Variants in COL11A1 observed in about 807,000 individuals in gnomAD.
The protein encoded by COL11A1 is collagen alpha-1(XI) chain.
Under a neutral mutation model 265.2 loss-of-function variants are expected in COL11A1, and 74 were observed. The ratio of observed to expected loss-of-function variants is 0.28; its 90% confidence interval spans 0.23 to 0.34. The LOEUF (loss-of-function observed/expected upper bound fraction) is 0.34, where lower values mean the gene tolerates loss of function less well. Among genes scored for constraint, COL11A1 ranks in the 10% least tolerant of loss-of-function variants. COL11A1 has a pLI of 1.00. For missense variants in COL11A1, 2,165 were observed against 2,263.6 expected (o/e 0.96, Z 0.88); for synonymous variants, 816 against 727.6 (o/e 1.12, Z -1.96).
At chr1:102,908,677 C>T (rs1368402254) in intron 54 of COL11A1, among the ~76,000 whole-genome samples, 2 of 151,590 alleles carry the variant, frequency 1.3e-5, no homozygotes, top group African/African-American at 2.4e-5. Flanking sequence ...ATAAGGTTTA[C>T]ATATACCCTT....
chr1:102,934,694 A>G lies in COL11A1; in HGVS notation c.3493-138T>C, dbSNP rs1269630397. ...CAAGTAAAAAGTAGACTGAATGCCCATTATCTGCTCCAATATACTATTGTT... is the reference window on the plus strand; with the variant it reads ...CAAGTAAAAAGTAGACTGAATGCCCGTTATCTGCTCCAATATACTATTGTT... On this transcript the variant is annotated intron_variant, in intron 45 of 66. Transcript: ENST00000370096. The G allele has an allele frequency of 1.1e-5, 8 of 719,028 alleles. No individual in the cohort carries two copies. The African/African-American group carries it at 1.4e-4, about 13-fold the overall frequency. The allele number at this position is 719,028 out of a possible 1,614,324, so 44.5% of individuals were successfully genotyped here.
In COL11A1 at chr1:103,021,833, T is replaced by C. The variant is rs989276242; in HGVS notation, c.1246-64A>G. 41 of 1,113,908 alleles carry C rather than the reference T, an allele frequency of 3.7e-5. 2 individuals carry two copies. The Middle Eastern group carries it at 1.2e-3, about 32-fold the overall frequency. The allele number at this position is 1,113,908 out of a possible 1,614,324, so 69.0% of individuals were successfully genotyped here. A position where few individuals can be genotyped will look rare whatever the true frequency, so the allele number is the denominator to read the frequency against. ...AAGACCATTTCTTTCTTTCTTTCTT[T>C]TCTTCTTTTTTTTTTTCTTTCTTTC... On this transcript the variant is annotated intron_variant, in intron 8 of 66. Coordinates refer to ENST00000370096, the MANE Select transcript of COL11A1 (RefSeq NM_001854.4).
chr1:103,065,569 C>T (rs375515112), intron 4 of COL11A1, among the ~76,000 whole-genome samples: 1 of 48,360 alleles, frequency 2.1e-5, no homozygotes, highest in Non-Finnish European at 4.1e-5. Context: ...AACAAACAAA[C>T]AAACAAAAAA....
intron 37 of COL11A1, among the ~76,000 whole-genome samples, chr1:102,967,657 T>A (rs1313648191): frequency 6.6e-6 from 1 of 152,154 alleles, no homozygotes; most frequent in African/African-American, 2.4e-5. Context: ...CATGCTGATC[T>A]TCCTACCTTT....
At chr1:102,977,584 A>G (rs1035488922) in intron 35 of COL11A1, among the ~76,000 whole-genome samples, 2 of 152,170 alleles carry the variant, frequency 1.3e-5, no homozygotes, top group African/African-American at 2.4e-5. Context: ...GTGGTGCTCT[A>G]AAAACAAAAC....
At chr1:102,979,633 A>C (rs2101685290) in intron 31 of COL11A1, 198 bp from the exon 32 acceptor site, 1 of 666,066 alleles carries the variant, frequency 1.5e-6, no homozygotes. Context: ...TGAAAGCACA[A>C]ATTGATAAAA....
rs796514814 is a variant in COL11A1, at chr1:102,928,398, A to G, written c.3601-5009T>C. Among the ~76,000 whole-genome samples the G allele has an allele frequency of 3.3e-5, 5 of 151,500 alleles. No individual in the cohort carries two copies. The South Asian group carries it at 6.3e-4, about 19-fold the overall frequency. ...AGTTTACTGAGAATGATGATTTCCA[A>G]TTTCATCCATGTCCCTACAAAGGAC... On this transcript the variant is annotated intron_variant, in intron 46 of 66. Coordinates refer to ENST00000370096, the MANE Select transcript of COL11A1 (RefSeq NM_001854.4).
intron 1 of COL11A1, among the ~76,000 whole-genome samples, chr1:103,093,952 G>C (rs1302374913): frequency 1.3e-5 from 2 of 152,122 alleles, no homozygotes; most frequent in Non-Finnish European, 2.9e-5. Context: ...CATCATGAAA[G>C]TCTGGAAGGG....
chr1:102,883,295 A>G lies in COL11A1; in HGVS notation c.4875T>C (p.Asp1625=). The G allele has an allele frequency of 6.2e-7, 1 of 1,611,990 alleles. No individual in the cohort carries two copies. Among genetic ancestry groups the G allele is most frequent in the Non-Finnish European group, 8.5e-7 (1 of 1,178,258 alleles). The change falls in exon 64 of 67, where the codon GAT becomes GAC. Residue 1625 remains aspartate (D), a synonymous_variant. Transcript: ENST00000370096. ...PDFPDGEYWI[D]PNQGCSGDSF... is the part of the protein sequence containing the mutation. ...AATCTCCTGAGCAACCTTGGTTAGG[A>G]TCAATCCAATATTCACCTAGAAGGT...
chr1:103,018,612 C>A (rs953722356), intron 10 of COL11A1, among the ~76,000 whole-genome samples: 1 of 152,048 alleles, frequency 6.6e-6, no homozygotes, highest in Admixed American at 6.6e-5. Flanking sequence ...ATCTAAGCCA[C>A]AAAAATATTT....
chr1:103,056,482 G>C (rs956472020), intron 4 of COL11A1, among the ~76,000 whole-genome samples: 30 of 152,196 alleles, frequency 2.0e-4, no homozygotes, highest in African/African-American at 7.0e-4. Flanking sequence ...TCAGTCATGG[G>C]GGAATCCTGC....
chr1:103,004,345 A>G (rs988513458), intron 20 of COL11A1, 99 bp downstream of exon 20: 16 of 906,848 alleles, frequency 1.8e-5, no homozygotes, highest in African/African-American at 1.0e-4. Flanking sequence ...TAAGACTGCA[A>G]TGTTTACCTG....
intron 4 of COL11A1, among the ~76,000 whole-genome samples, chr1:103,070,659 T>G (rs560102345): frequency 3.8e-4 from 58 of 152,078 alleles, no homozygotes; most frequent in African/African-American, 1.4e-3. Context: ...AAGTCACAAC[T>G]GATCAAATGG....
intron 31 of COL11A1, 120 bp from the exon 32 acceptor site, chr1:102,979,555 G>T (rs902345404): frequency 1.3e-6 from 1 of 744,004 alleles, no homozygotes; most frequent in East Asian, 2.7e-5. Flanking sequence ...ATCAAATATA[G>T]AAATTTTAAG....
intron 14 of COL11A1, among the ~76,000 whole-genome samples, chr1:103,010,946 C>T (rs893287989): frequency 6.6e-5 from 10 of 152,072 alleles, no homozygotes; most frequent in Middle Eastern, 3.2e-3. Flanking sequence ...GTGATCCGCC[C>T]GCCTTGGCCT....
At chr1:102,910,117 T>C (rs1296847270) in intron 54 of COL11A1, among the ~76,000 whole-genome samples, 1 of 151,980 alleles carries the variant, frequency 6.6e-6, no homozygotes, top group Non-Finnish European at 1.5e-5. Context: ...ATTATTATAC[T>C]AAAAGGCTCA....
intron 54 of COL11A1, among the ~76,000 whole-genome samples, chr1:102,903,803 G>A (rs747978568): frequency 6.6e-6 from 1 of 152,064 alleles, no homozygotes; most frequent in Non-Finnish European, 1.5e-5. Context: ...TTCACCTGTG[G>A]TATAGACAAA....
chr1:102,978,435 A>C (rs926304294), intron 35 of COL11A1, among the ~76,000 whole-genome samples: 5 of 152,194 alleles, frequency 3.3e-5, no homozygotes, highest in African/African-American at 1.2e-4. Flanking sequence ...TAAAATTTAA[A>C]AAATATCTAT....
At chr1:102,978,203 G>A (rs117537577) in intron 35 of COL11A1, among the ~76,000 whole-genome samples, 1 of 152,052 alleles carries the variant, frequency 6.6e-6, no homozygotes, top group East Asian at 1.9e-4. Flanking sequence ...TATGTATTTG[G>A]CTACATCTTA....
Sources: gnomAD v4.1 joint callset for allele counts (sites outside exome capture counted in the v4.1 genomes callset) on GRCh38, gnomAD v4.1.1 for gene constraint, MANE v1.5 for transcripts, NCBI Gene and HGNC (gene_info 2026-07-23, HGNC 2026-07-21) for gene names.